Variants in INSYN2A observed in about 807,000 individuals in gnomAD.
INSYN2A encodes inhibitory synaptic factor 2A.
INSYN2A carries 17 observed loss-of-function variants against 39.4 expected under a neutral mutation model. The ratio of observed to expected loss-of-function variants is 0.43; its 90% CI spans 0.30 to 0.65. The LOEUF is 0.65. INSYN2A is among the 30% of genes least tolerant of loss of function. The probability of loss-of-function intolerance (pLI) is 0.14; values close to 1 mark genes in which losing one functional copy is unlikely to be tolerated. For synonymous variants in INSYN2A, 255 were observed against 265.7 expected, an observed-to-expected ratio of 0.96 and a Z score of 0.39; for missense variants, 595 against 631.2, an observed-to-expected ratio of 0.94 and a Z score of 0.61.
In INSYN2A at chr10:127,137,786, A is replaced by AAACTCCAGTGGGTTCT; in HGVS notation, c.*35_*50dup. 6.6e-7 allele frequency: 1 copy of AAACTCCAGTGGGTTCT among 1,522,546 alleles called. No individual in the cohort carries two copies. Among genetic ancestry groups the AAACTCCAGTGGGTTCT allele is most frequent in the Non-Finnish European group, 8.9e-7 (1 of 1,123,522 alleles). 94.3% of individuals were successfully genotyped at this position (1,522,546 alleles called of 1,614,324 possible). A position where few individuals can be genotyped will look rare whatever the true frequency, so the allele number is the denominator to read the frequency against. ...ATTCATTTTGGAAAAGTATTGACTT[A>AAACTCCAGTGGGTTCT]AACTCCAGTGGGTTCTAAAGACGGC... On this transcript the variant is annotated 3_prime_UTR_variant, in exon 6 of 6. Coordinates refer to ENST00000522781, the MANE Select transcript of INSYN2A (RefSeq NM_001039762.3).
intron 4 of INSYN2A, among the ~76,000 whole-genome samples, chr10:127,173,580 T>C (rs1340390728): frequency 6.6e-6 from 1 of 152,216 alleles, no homozygotes; most frequent in African/African-American, 2.4e-5. Flanking sequence ...TTTTACACCA[T>C]TTGGTGAACT....
At chr10:127,169,850 G>A (rs575530699) in intron 4 of INSYN2A, among the ~76,000 whole-genome samples, 1 of 152,160 alleles carries the variant, frequency 6.6e-6, no homozygotes, top group South Asian at 2.1e-4. Context: ...CATTGTTTTT[G>A]GTAAAGTTGA....
intron 2 of INSYN2A, among the ~76,000 whole-genome samples, chr10:127,185,386 C>T (rs750303685): frequency 1.6e-4 from 24 of 152,030 alleles, no homozygotes; most frequent in African/African-American, 5.1e-4. Flanking sequence ...ATTAGCTGGG[C>T]GTGGTGATGC....
intron 1 of INSYN2A, among the ~76,000 whole-genome samples, chr10:127,193,226 G>A (rs1460136104): frequency 1.3e-5 from 2 of 152,162 alleles, no homozygotes; most frequent in African/African-American, 4.8e-5. Context: ...TCACATTTAT[G>A]AAAGACTGTT....
chr10:127,189,898 GATCA>G (rs2056589578), intron 2 of INSYN2A, among the ~76,000 whole-genome samples: 1 of 151,092 alleles, frequency 6.6e-6, no homozygotes, highest in Non-Finnish European at 1.5e-5. Flanking sequence ...CTGGCACAGA[GATCA>G]ATGGAGTTGA....
chr10:127,194,767 C>G (rs760410065), intron 1 of INSYN2A, among the ~76,000 whole-genome samples: 5 of 152,178 alleles, frequency 3.3e-5, no homozygotes, highest in Non-Finnish European at 7.3e-5. Flanking sequence ...CTATCCTGAG[C>G]TGTAGTCTTC....
chr10:127,153,692 G>C (rs780248019), intron 5 of INSYN2A, among the ~76,000 whole-genome samples, 160 bp downstream of exon 5: 4 of 152,158 alleles, frequency 2.6e-5, no homozygotes, highest in Non-Finnish European at 5.9e-5. Flanking sequence ...TACTTGGGGT[G>C]GGGTATTTAG....
At chr10:127,146,773 C>T (rs2051901057) in intron 5 of INSYN2A, among the ~76,000 whole-genome samples, 1 of 152,160 alleles carries the variant, frequency 6.6e-6, no homozygotes, top group South Asian at 2.1e-4. Context: ...GAGATAATCG[C>T]TGAATGACAA....
At chr10:127,150,882 T>A (rs2052421184) in intron 5 of INSYN2A, among the ~76,000 whole-genome samples, 2 of 152,222 alleles carry the variant, frequency 1.3e-5, no homozygotes, top group South Asian at 4.1e-4. Flanking sequence ...TCATGGCAGA[T>A]CATTTGAAAC....
At chr10:127,164,320 A>G (rs1480599705) in intron 4 of INSYN2A, among the ~76,000 whole-genome samples, 1 of 151,386 alleles carries the variant, frequency 6.6e-6, no homozygotes, top group Non-Finnish European at 1.5e-5. Context: ...AGCAGCTGAG[A>G]TTACAGGTGC....
At chr10:127,167,734 A>G (rs2054210158) in intron 4 of INSYN2A, among the ~76,000 whole-genome samples, 1 of 152,056 alleles carries the variant, frequency 6.6e-6, no homozygotes, top group Non-Finnish European at 1.5e-5. Context: ...TGCCCGTGAC[A>G]CCAAATGAAC....
At chr10:127,171,229 A>C (rs923532886) in intron 4 of INSYN2A, among the ~76,000 whole-genome samples, 2 of 152,234 alleles carry the variant, frequency 1.3e-5, no homozygotes, top group Non-Finnish European at 2.9e-5. Flanking sequence ...CTTACGAAAA[A>C]TAATTTGGAA....
intron 5 of INSYN2A, among the ~76,000 whole-genome samples, chr10:127,151,251 C>T (rs920135470): frequency 6.6e-6 from 1 of 152,144 alleles, no homozygotes; most frequent in Non-Finnish European, 1.5e-5. Context: ...AGTCACAGTG[C>T]AGTCTTTATT....
At chr10:127,184,003 A>C (rs1414318463) in intron 2 of INSYN2A, among the ~76,000 whole-genome samples, 1 of 152,104 alleles carries the variant, frequency 6.6e-6, no homozygotes, top group Non-Finnish European at 1.5e-5. Flanking sequence ...TCGAAGGTTT[A>C]TCTCTTTGTG....
chr10:127,165,311 C>T (rs1395205403), intron 4 of INSYN2A, among the ~76,000 whole-genome samples: 1 of 152,146 alleles, frequency 6.6e-6, no homozygotes, highest in Admixed American at 6.5e-5. Context: ...TTTCAAAAGC[C>T]TGACCTTGCA....
chr10:127,174,811 C>T (rs529089847), intron 4 of INSYN2A, among the ~76,000 whole-genome samples: 60 of 152,324 alleles, frequency 3.9e-4, no homozygotes, highest in East Asian at 3.9e-4. Context: ...CTTCCTAATA[C>T]GATTCCTAAG....
chr10:127,185,003 C>T (rs550728989), intron 2 of INSYN2A, among the ~76,000 whole-genome samples: 7 of 152,158 alleles, frequency 4.6e-5, no homozygotes, highest in Admixed American at 2.6e-4. Context: ...TGCCTGACAC[C>T]AGTCCACTGT....
chr10:127,159,038 C>T (rs1190992683), intron 4 of INSYN2A, among the ~76,000 whole-genome samples: 1 of 151,952 alleles, frequency 6.6e-6, no homozygotes, highest in Non-Finnish European at 1.5e-5. Flanking sequence ...GGTAGGCTTG[C>T]CTGTTAGAGG....
At chr10:127,173,814 C>G (rs1051188870) in intron 4 of INSYN2A, among the ~76,000 whole-genome samples, 15 of 152,166 alleles carry the variant, frequency 9.9e-5, no homozygotes, top group Non-Finnish European at 2.2e-4. Flanking sequence ...GATGTAAACC[C>G]AAGATTGAAC....
Sources: gnomAD v4.1 joint callset for allele counts (sites outside exome capture counted in the v4.1 genomes callset) on GRCh38, gnomAD v4.1.1 for gene constraint, MANE v1.5 for transcripts, NCBI Gene and HGNC (gene_info 2026-07-23, HGNC 2026-07-21) for gene names.